Variants in RBPMS observed in about 807,000 individuals in gnomAD.
RBPMS encodes the protein RNA-binding protein with multiple splicing.
A neutral mutation model predicts 26.8 loss-of-function variants in RBPMS; 7 were observed. The ratio of observed to expected loss-of-function variants is 0.26; its 90% CI spans 0.15 to 0.49. RBPMS has a LOEUF of 0.49. Among genes scored for constraint, RBPMS ranks in the 20% least tolerant of loss-of-function variants. RBPMS has a pLI of 0.98. For missense variants in RBPMS, 186 were observed against 250.0 expected (o/e 0.74, Z 1.73); for synonymous variants, 96 against 93.3 (o/e 1.03, Z -0.17).
At chr8:30,509,992 T>C (rs994512817) in intron 5 of RBPMS, among the ~76,000 whole-genome samples, 1 of 152,232 alleles carries the variant, frequency 6.6e-6, no homozygotes, top group African/African-American at 2.4e-5. Flanking sequence ...ATGTATCTCT[T>C]TCTGCATTTT....
chr8:30,444,701 CAAG>C (rs1813525890), intron 1 of RBPMS: 1 of 152,128 alleles, frequency 6.6e-6, no homozygotes, highest in Non-Finnish European at 1.5e-5. Flanking sequence ...GGTAAAAGAA[CAAG>C]AAAGACAGAA....
intron 1 of RBPMS, among the ~76,000 whole-genome samples, chr8:30,436,023 G>T (rs2150687058): frequency 6.6e-6 from 1 of 152,278 alleles, no homozygotes; most frequent in South Asian, 2.1e-4. Flanking sequence ...TAAAGAATTG[G>T]GGGAATGTGG....
At chr8:30,431,766 T>C (rs1157257701) in intron 1 of RBPMS, among the ~76,000 whole-genome samples, 1 of 151,710 alleles carries the variant, frequency 6.6e-6, no homozygotes, top group Non-Finnish European at 1.5e-5. Context: ...CTTTCAATAA[T>C]AGTACTTATC....
chr8:30,450,134 A>G (rs906178541), intron 1 of RBPMS, among the ~76,000 whole-genome samples: 2 of 152,220 alleles, frequency 1.3e-5, no homozygotes, highest in Non-Finnish European at 2.9e-5. Context: ...TCTTAAAGTG[A>G]GGGTATGGGA....
At chr8:30,507,540 G>A (rs1034756554) in intron 5 of RBPMS, among the ~76,000 whole-genome samples, 3 of 152,140 alleles carry the variant, frequency 2.0e-5, no homozygotes, top group Admixed American at 1.3e-4. Context: ...AAGGATGAGT[G>A]AAATTGACAT....
intron 4 of RBPMS, among the ~76,000 whole-genome samples, chr8:30,503,486 C>T (rs980101923): frequency 3.3e-5 from 5 of 151,322 alleles, no homozygotes; most frequent in Non-Finnish European, 7.4e-5. Context: ...GTTGAACTCC[C>T]GAGCTCAGGC....
At chr8:30,549,806 C>T (rs1826187500) in intron 6 of RBPMS, among the ~76,000 whole-genome samples, 1 of 66,786 alleles carries the variant, frequency 1.5e-5, no homozygotes, top group Non-Finnish European at 3.0e-5. Context: ...CCCCTCTCTC[C>T]TCTCTCTCTC....
At chr8:30,509,960 C>T (rs1028593281) in intron 5 of RBPMS, among the ~76,000 whole-genome samples, 3 of 152,168 alleles carry the variant, frequency 2.0e-5, no homozygotes, top group Non-Finnish European at 2.9e-5. Flanking sequence ...CCTTACACAC[C>T]TTTTAATATG....
intron 3 of RBPMS, among the ~76,000 whole-genome samples, chr8:30,478,460 G>A (rs983872595): frequency 6.6e-6 from 1 of 151,820 alleles, no homozygotes; most frequent in Non-Finnish European, 1.5e-5. Context: ...AGGGATTATG[G>A]CCTTTCTGTA....
rs1386149950 is a variant in RBPMS, at chr8:30,572,230, AAAAT to A, written c.*1709_*1712del. On this transcript the variant is annotated 3_prime_UTR_variant, in exon 9 of 9. Coordinates refer to ENST00000397323, the MANE Select transcript of RBPMS (RefSeq NM_001008710.3). ...GGTACTTTTCTATTGTCATTTTTAA[AAAAT>A]AAAGTGCTTATTCCAGCTGTCACAC... is the stretch of plus-strand genomic sequence containing the variant. The A allele has an allele frequency of 6.6e-6, 1 of 152,224 alleles. No individual in the cohort carries two copies. The highest frequency in any genetic ancestry group is 1.5e-5 in the Non-Finnish European group (1 of 68,032). The allele number at this position is 152,224 out of a possible 1,614,324, so 9.4% of individuals were successfully genotyped here.
intron 5 of RBPMS, among the ~76,000 whole-genome samples, chr8:30,516,757 A>G (rs1822348326): frequency 6.6e-6 from 1 of 152,190 alleles, no homozygotes; most frequent in Non-Finnish European, 1.5e-5. Flanking sequence ...AACCAGGTAT[A>G]GTGGCATACG....
chr8:30,541,081 A>G (rs1256705846), intron 5 of RBPMS, among the ~76,000 whole-genome samples: 2 of 152,186 alleles, frequency 1.3e-5, no homozygotes, highest in Non-Finnish European at 2.9e-5. Context: ...TTACCAACTA[A>G]ACTCAGAGAT....
chr8:30,385,064 GC>G lies in RBPMS; in HGVS notation c.-26del. On this transcript the variant is annotated 5_prime_UTR_variant, in exon 1 of 9. Transcript: ENST00000397323. ...TCGCCCAGCCCCGCGCCCCAGCCCT[GC>G]CCGGCCCGGCGAGGAAGGACCGGGA... 1 of 1,495,364 alleles carries G rather than the reference GC, an allele frequency of 6.7e-7. No individual in the cohort carries two copies. The highest frequency in any genetic ancestry group is 1.3e-5 in the South Asian group (1 of 78,594). 92.6% of individuals were successfully genotyped at this position (1,495,364 alleles called of 1,614,324 possible). A position where few individuals can be genotyped will look rare whatever the true frequency, so the allele number is the denominator to read the frequency against.
chr8:30,547,525 G>T, intron 6 of RBPMS: 1 of 1,491,334 alleles, frequency 6.7e-7, no homozygotes, highest in African/African-American at 1.4e-5. Context: ...ATGAACTCAA[G>T]TAGACTGCAG....
intron 4 of RBPMS, among the ~76,000 whole-genome samples, chr8:30,485,776 A>C (rs554167096): frequency 6.6e-6 from 1 of 152,202 alleles, no homozygotes; most frequent in Non-Finnish European, 1.5e-5. Context: ...ATTCAGAAAG[A>C]AAGCACTAGT....
chr8:30,389,328 A>G (rs935725780), intron 1 of RBPMS, among the ~76,000 whole-genome samples: 3 of 152,344 alleles, frequency 2.0e-5, no homozygotes, highest in African/African-American at 7.2e-5. Flanking sequence ...GTGCATCTGC[A>G]GTCTTCTTCA....
At chr8:30,479,744 A>G (rs549005685) in intron 4 of RBPMS, among the ~76,000 whole-genome samples, 33 of 152,182 alleles carry the variant, frequency 2.2e-4, no homozygotes, top group Admixed American at 4.6e-4. Flanking sequence ...CTAAATGACT[A>G]TGCTCAGAAT....
chr8:30,415,515 G>T (rs182016253), intron 1 of RBPMS, among the ~76,000 whole-genome samples: 1 of 152,150 alleles, frequency 6.6e-6, no homozygotes, highest in African/African-American at 2.4e-5. Flanking sequence ...CAGTCATACC[G>T]AGCTTCATTC....
chr8:30,416,219 G>A (rs1487208494), intron 1 of RBPMS, among the ~76,000 whole-genome samples: 1 of 152,190 alleles, frequency 6.6e-6, no homozygotes, highest in African/African-American at 2.4e-5. Flanking sequence ...GTTAATGTTT[G>A]TGTAAATGTT....
Sources: gnomAD v4.1 joint callset for allele counts (sites outside exome capture counted in the v4.1 genomes callset) on GRCh38, gnomAD v4.1.1 for gene constraint, MANE v1.5 for transcripts, NCBI Gene and HGNC (gene_info 2026-07-23, HGNC 2026-07-21) for gene names.